The following ZNF461 variants were observed in gnomAD, a reference collection of about 807,000 sequenced individuals.
ZNF461 encodes the protein zinc finger protein 461.
In ZNF461, 16 loss-of-function variants were observed where a neutral mutation model predicts 18.3. The ratio of observed to expected loss-of-function variants is 0.88; its 90% CI spans 0.59 to 1.33. The LOEUF is 1.33. ZNF461 is among the 40% of genes most tolerant of loss of function. The pLI is 0.00. For synonymous variants in ZNF461, 179 were observed against 216.9 expected, an observed-to-expected ratio of 0.83 and a Z score of 1.54; for missense variants, 595 against 669.9, an observed-to-expected ratio of 0.89 and a Z score of 1.23.
At chr19:36,645,641 GTTTTC>G (rs2145377816) in intron 4 of ZNF461, among the ~76,000 whole-genome samples, 1 of 152,046 alleles carries the variant, frequency 6.6e-6, no homozygotes, top group East Asian at 1.9e-4. Context: ...ATAGTTAACT[GTTTTC>G]TTTTTTTTGT....
intron 4 of ZNF461, among the ~76,000 whole-genome samples, chr19:36,648,490 C>A (rs1413535056): frequency 6.6e-6 from 1 of 152,140 alleles, no homozygotes; most frequent in Non-Finnish European, 1.5e-5. Context: ...TTCCTGGCAA[C>A]ACTTGTTATG....
chr19:36,639,701 G>A lies in ZNF461; in HGVS notation c.644C>T (p.Ser215Phe), dbSNP rs764236877. The A allele has an allele frequency of 4.3e-6, 7 of 1,613,744 alleles. No homozygotes were observed. The highest frequency in any genetic ancestry group is 5.9e-6 in the Non-Finnish European group (7 of 1,179,752). The part of the protein sequence containing the change: ...LFFSHHKRTH[S>F]KELSECKECT... ...TTCTTTACATTCAGAAAGTTCTTTA[G>A]AATGAGTTCTTTTGTGGTGACTAAA... is the stretch of plus-strand genomic sequence containing the variant. The change falls in exon 6 of 6, where the codon TCT (serine) becomes TTT (phenylalanine). Residue 215 changes from serine to phenylalanine, a missense_variant. Physicochemically the swap from Ser to Phe is radical, Grantham distance 155. Coordinates refer to ENST00000588268, the MANE Select transcript of ZNF461 (RefSeq NM_153257.5).
chr19:36,658,217 A>G, intron 3 of ZNF461, 82 bp downstream of exon 3: 1 of 1,433,600 alleles, frequency 7.0e-7, no homozygotes, highest in East Asian at 2.5e-5. Context: ...AATAGGGGGG[A>G]AAGCAGAAAT....
intron 1 of ZNF461, among the ~76,000 whole-genome samples, chr19:36,666,152 T>A (rs151298495): frequency 6.6e-6 from 1 of 151,032 alleles, no homozygotes; most frequent in Non-Finnish European, 1.5e-5. Flanking sequence ...TGGAGTGCAA[T>A]GGCGCGATCT....
Position 36,656,428 on chromosome 19 carries a change from T to G in ZNF461, c.232+20A>C, listed in dbSNP as rs12981751. On this transcript the variant is annotated intron_variant, in intron 4 of 5. Transcript: ENST00000588268. ...AGCTGGCCTGCTCTCTGCAAGAGCTTCCTGTGCTTGCTCACTCACCTGGGC... is the reference window on the plus strand; with the variant it reads ...AGCTGGCCTGCTCTCTGCAAGAGCTGCCTGTGCTTGCTCACTCACCTGGGC... 553,710 of 1,602,840 alleles carry G rather than the reference T, an allele frequency of 0.35. 97,064 individuals are homozygous for G. Among genetic ancestry groups the G allele is most frequent in the East Asian group, 0.4 (17,966 of 44,820 alleles).
chr19:36,660,451 C>T (rs904853818), intron 2 of ZNF461, among the ~76,000 whole-genome samples: 1 of 151,836 alleles, frequency 6.6e-6, no homozygotes, highest in Non-Finnish European at 1.5e-5. Context: ...CACCTGGGCC[C>T]CTTCTCTAAA....
At chr19:36,656,198 C>T (rs1021517374) in intron 4 of ZNF461, among the ~76,000 whole-genome samples, 44 of 151,898 alleles carry the variant, frequency 2.9e-4, no homozygotes, top group African/African-American at 1.0e-3. Flanking sequence ...GGGGTTTCAC[C>T]GTGGTCTCGA....
intron 4 of ZNF461, among the ~76,000 whole-genome samples, chr19:36,652,514 A>G (rs1043774413): frequency 1.3e-5 from 2 of 149,970 alleles, no homozygotes; most frequent in African/African-American, 4.9e-5. Context: ...AAAAAAAAAA[A>G]CAAAAACTAT....
chr19:36,652,443 G>C (rs2037643071), intron 4 of ZNF461, among the ~76,000 whole-genome samples: 1 of 149,900 alleles, frequency 6.7e-6, no homozygotes, highest in Non-Finnish European at 1.5e-5. Context: ...GGACGTTGCA[G>C]TGAGCTGAGA....
chr19:36,658,350 T>G lies in ZNF461; in HGVS notation c.85A>C (p.Asn29His), dbSNP rs770035876. Residue 29 changes from asparagine (N) to histidine (H), a missense_variant, in exon 3 of 6, where the codon AAT becomes CAT. Physicochemically the swap from Asn to His is moderately conservative, Grantham distance 68. Coordinates refer to ENST00000588268, the MANE Select transcript of ZNF461 (RefSeq NM_153257.5). ...EWECLNPAQRNLYKEVMLENY... is the reference protein window; with the variant it reads ...EWECLNPAQRHLYKEVMLENY... ...TCCAACATCACCTCCTTGTACAAAT[T>G]CCTCTGCGCTGGGTTCAGGCATTCC... is the stretch of plus-strand genomic sequence containing the variant. 1.9e-6 allele frequency: 3 copies of G among 1,610,938 alleles called. No individual in the cohort carries two copies. The highest frequency in any genetic ancestry group is 2.5e-6 in the Non-Finnish European group (3 of 1,178,378).
chr19:36,647,932 A>G (rs1160089880), intron 4 of ZNF461, among the ~76,000 whole-genome samples: 1 of 152,154 alleles, frequency 6.6e-6, no homozygotes, highest in African/African-American at 2.4e-5. Flanking sequence ...CTGTAATCCC[A>G]GCACTCTGGG....
chr19:36,656,072 A>C (rs2145403738), intron 4 of ZNF461, among the ~76,000 whole-genome samples: 1 of 140,378 alleles, frequency 7.1e-6, no homozygotes, highest in Non-Finnish European at 1.5e-5. Context: ...ATCTCCGCTC[A>C]CTGCAAGCTC....
Position 36,638,543 on chromosome 19 carries a change from A to G in ZNF461, c.*110T>C, listed in dbSNP as rs2037341002. ...TAGTTATCCACTTTCTCACTTAAAA[A>G]CATTTGATTTTCAAGGATTATTTAA... is the stretch of plus-strand genomic sequence containing the variant. On this transcript the variant is annotated 3_prime_UTR_variant, in exon 6 of 6. Transcript: ENST00000588268. The G allele has an allele frequency of 2.2e-6, 2 of 899,590 alleles. No homozygotes were observed. The highest frequency in any genetic ancestry group is 2.7e-5 in the East Asian group (1 of 37,322). The allele number at this position is 899,590 out of a possible 1,614,324, so 55.7% of individuals were successfully genotyped here. A position where few individuals can be genotyped will look rare whatever the true frequency, so the allele number is the denominator to read the frequency against.
At chr19:36,664,594 A>C (rs1386851287) in intron 2 of ZNF461, 104 bp downstream of exon 2, 2 of 270,994 alleles carry the variant, frequency 7.4e-6, no homozygotes, top group Middle Eastern at 1.6e-3. Context: ...GCTATGTCTC[A>C]AAAAAAAAAA....
At chr19:36,650,830 A>C (rs1261663457) in intron 4 of ZNF461, among the ~76,000 whole-genome samples, 1 of 150,084 alleles carries the variant, frequency 6.7e-6, no homozygotes, top group Admixed American at 6.7e-5. Flanking sequence ...ATAAATAAGA[A>C]AAATAACATG....
In ZNF461 at chr19:36,656,482, C is replaced by T. The variant is rs917884942; in HGVS notation, c.198G>A (p.Met66Ile). The change falls in exon 4 of 6, where the codon ATG becomes ATA. Residue 66 changes from methionine to isoleucine, a missense_variant. Coordinates refer to ENST00000588268, the MANE Select transcript of ZNF461 (RefSeq NM_153257.5). ...ATCTTCCTGTCTCTTCCCTCACAACCATCCAGGGCTCCTTCCCTTGCTCCA... is the reference window on the plus strand; with the variant it reads ...ATCTTCCTGTCTCTTCCCTCACAACTATCCAGGGCTCCTTCCCTTGCTCCA... ...SSLEQGKEPW[M>I]VVREETGRWC... 3 of 1,614,208 alleles carry T rather than the reference C, an allele frequency of 1.9e-6. No homozygotes were observed. Among genetic ancestry groups the T allele is most frequent in the Non-Finnish European group, 2.5e-6 (3 of 1,180,038 alleles).
At chr19:36,650,597 C>G (rs2037609299) in intron 4 of ZNF461, among the ~76,000 whole-genome samples, 1 of 152,024 alleles carries the variant, frequency 6.6e-6, no homozygotes. Flanking sequence ...CAGTATTACT[C>G]TGATACCAAA....
At chr19:36,647,971 C>G (rs1004245612) in intron 4 of ZNF461, among the ~76,000 whole-genome samples, 2 of 152,092 alleles carry the variant, frequency 1.3e-5, no homozygotes, top group African/African-American at 4.8e-5. Flanking sequence ...TATCTGAGAT[C>G]AGGAGTTCAA....
At chr19:36,649,936 G>A (rs1352508572) in intron 4 of ZNF461, among the ~76,000 whole-genome samples, 1 of 152,088 alleles carries the variant, frequency 6.6e-6, no homozygotes, top group Non-Finnish European at 1.5e-5. Context: ...CAGCACTTTG[G>A]GAGGCCAAGG....
Sources: allele counts gnomAD v4.1 joint callset (sites outside exome capture counted in the v4.1 genomes callset), GRCh38; gene constraint gnomAD v4.1.1; transcripts MANE v1.5; gene names NCBI Gene and HGNC (gene_info 2026-07-23, HGNC 2026-07-21).